Variants in PPP2R2D observed in about 807,000 individuals in gnomAD.
The protein encoded by PPP2R2D is serine/threonine-protein phosphatase 2A 55 kDa regulatory subunit B delta isoform.
In PPP2R2D, 9 loss-of-function variants were observed where a neutral mutation model predicts 31.1. That is an observed-to-expected ratio of 0.29 (90% CI 0.17 to 0.51). The LOEUF is 0.51. Ranked by LOEUF, PPP2R2D falls within the 20% of genes least tolerant of loss-of-function variation. PPP2R2D has a pLI of 0.98. For missense variants in PPP2R2D, 391 were observed against 465.6 expected (o/e 0.84, Z 1.48); for synonymous variants, 179 against 172.6 (o/e 1.04, Z -0.29).
intron 2 of PPP2R2D, among the ~76,000 whole-genome samples, chr10:131,920,290 C>T (rs1264083527): frequency 7.0e-6 from 1 of 142,640 alleles, no homozygotes; most frequent in Non-Finnish European, 1.5e-5. Flanking sequence ...GGACCTCACA[C>T]AGGTGGAATG....
rs1291449290 is a variant in PPP2R2D, at chr10:131,952,246, G to C, written c.1083-3438G>C. Among the ~76,000 whole-genome samples the C allele has an allele frequency of 3.6e-4, 39 of 108,814 alleles. 1 individual carries two copies. The highest frequency in any genetic ancestry group is 1.2e-3 in the African/African-American group (33 of 27,080). The allele number at this position is 108,814 out of a possible 152,430, so 71.4% of individuals were successfully genotyped here. ...GTTCACTGTCTTAGCAGTGACTTGG[G>C]GGGTCCCTGTCTTAGCAGTGACTTG... On this transcript the variant is annotated intron_variant, in intron 8 of 8. Transcript: ENST00000455566.
Position 131,945,271 on chromosome 10 carries a change from T to C in PPP2R2D, c.656-24T>C, listed in dbSNP as rs2036514489. The C allele has an allele frequency of 1.2e-6, 2 of 1,603,656 alleles. No individual in the cohort carries two copies. Among genetic ancestry groups the C allele is most frequent in the Non-Finnish European group, 1.7e-6 (2 of 1,173,760 alleles). The stretch of plus-strand genomic sequence containing the variant: ...ATTAACAACCAGCTGAGCTGAGCAC[T>C]GTGCCTTAACCATGCACTCCCAGAC... On this transcript the variant is annotated intron_variant, in intron 6 of 8. Transcript: ENST00000455566. This position sits in a 1 kb window ranked among gnomAD's most constrained non-coding sequence, Gnocchi z 4.8.
At chr10:131,952,349 G>T (rs1158744672) in intron 8 of PPP2R2D, among the ~76,000 whole-genome samples, 1 of 38,328 alleles carries the variant, frequency 2.6e-5, no homozygotes, top group African/African-American at 1.2e-4. Flanking sequence ...TGCATGTGTG[G>T]GGGGGGTTCA....
chr10:131,964,462 C>T (rs2120127679), downstream of PPP2R2D, among the ~76,000 whole-genome samples: 1 of 152,052 alleles, frequency 6.6e-6, no homozygotes, highest in South Asian at 2.1e-4. Context: ...AGACACACTC[C>T]CCCATGCACA....
At chr10:131,931,171 C>G (rs1229372495) in intron 2 of PPP2R2D, among the ~76,000 whole-genome samples, 1 of 152,136 alleles carries the variant, frequency 6.6e-6, no homozygotes, top group African/African-American at 2.4e-5. Flanking sequence ...TCCTGGGGCT[C>G]TTAGAGGCCT....
At chr10:131,948,343 G>A (rs1296768774) in intron 8 of PPP2R2D, among the ~76,000 whole-genome samples, 2 of 151,936 alleles carry the variant, frequency 1.3e-5, no homozygotes, top group Non-Finnish European at 2.9e-5. Flanking sequence ...TGAGAGTTAC[G>A]TTTTTTTTAT....
chr10:131,915,326 C>T (rs1426750191), intron 2 of PPP2R2D, among the ~76,000 whole-genome samples: 2 of 152,102 alleles, frequency 1.3e-5, no homozygotes, highest in African/African-American at 2.4e-5. Context: ...GCTTTGCTCC[C>T]GTCCTTTGCA....
At chr10:131,909,870 A>T (rs911612652) in intron 2 of PPP2R2D, among the ~76,000 whole-genome samples, 10 of 152,270 alleles carry the variant, frequency 6.6e-5, no homozygotes, top group Non-Finnish European at 2.9e-5. Context: ...ACATGTTAAC[A>T]TAACCTTTTT....
intron 8 of PPP2R2D, among the ~76,000 whole-genome samples, chr10:131,954,630 CTTT>C (rs35027240): frequency 3.5e-5 from 5 of 144,186 alleles, no homozygotes; most frequent in Non-Finnish European, 6.1e-5. Flanking sequence ...CTGAGTTCGT[CTTT>C]TTTTTTTTTT....
In PPP2R2D at chr10:131,936,002, G is replaced by A. The variant is rs190597861; in HGVS notation, c.198+1447G>A. Among the ~76,000 whole-genome samples, 386 of 152,058 alleles carry A rather than the reference G, an allele frequency of 2.5e-3. 3 individuals carry two copies. Among genetic ancestry groups the A allele is most frequent in the African/African-American group, 9.1e-3 (377 of 41,524 alleles). ...CGCTTGAACCCAGGAGGCAGAGGTT[G>A]CGGTGAGCCAAGATCGTGCCATTGC... On this transcript the variant is annotated intron_variant, in intron 3 of 8. Coordinates refer to ENST00000455566, the MANE Select transcript of PPP2R2D (RefSeq NM_018461.5).
chr10:131,926,760 G>A (rs1402932793), intron 2 of PPP2R2D, among the ~76,000 whole-genome samples: 1 of 152,254 alleles, frequency 6.6e-6, no homozygotes, highest in East Asian at 1.9e-4. Flanking sequence ...CATCGTTTGA[G>A]TCCCTGCAGT....
At chr10:131,962,695 C>G (rs1177027871), downstream of PPP2R2D, among the ~76,000 whole-genome samples, 1 of 152,164 alleles carries the variant, frequency 6.6e-6, no homozygotes, top group African/African-American at 2.4e-5. Flanking sequence ...CCAGTCAGAA[C>G]TGGCAGGGGC....
intron 2 of PPP2R2D, among the ~76,000 whole-genome samples, chr10:131,906,493 T>C (rs942120652): frequency 2.9e-4 from 44 of 152,228 alleles, no homozygotes; most frequent in African/African-American, 1.1e-3. Flanking sequence ...AACATAGATA[T>C]CTGGTTAATC....
At chr10:131,937,998 C>A (rs1011968039) in intron 3 of PPP2R2D, among the ~76,000 whole-genome samples, 3 of 150,974 alleles carry the variant, frequency 2.0e-5, no homozygotes, top group African/African-American at 7.3e-5. Context: ...AGACTCAGTG[C>A]GGCGGACAGG....
chr10:131,926,105 G>T (rs1406265552), intron 2 of PPP2R2D, among the ~76,000 whole-genome samples: 2 of 152,184 alleles, frequency 1.3e-5, no homozygotes, highest in Non-Finnish European at 2.9e-5. Flanking sequence ...CTGTTTGCCT[G>T]TGTATTGCAT....
At chr10:131,939,179 A>G (rs1164485659) in intron 3 of PPP2R2D, among the ~76,000 whole-genome samples, 1 of 24,684 alleles carries the variant, frequency 4.1e-5, no homozygotes, top group African/African-American at 1.7e-4. Context: ...CTGCTCCAGA[A>G]AACACGGCAG....
At chr10:131,916,985 G>A (rs539959077) in intron 2 of PPP2R2D, among the ~76,000 whole-genome samples, 1 of 146,182 alleles carries the variant, frequency 6.8e-6, no homozygotes, top group East Asian at 2.1e-4. Context: ...ACAGTGTAGG[G>A]ACCTCAGGTG....
At chr10:131,968,388 A>T in the PPP2R2D span, 1 of 718,724 alleles carries the variant, frequency 1.4e-6, no homozygotes, top group Non-Finnish European at 2.3e-6. Context: ...TATTTTACTA[A>T]ATTAGGAACG....
In PPP2R2D at chr10:131,932,772, A is replaced by G. The variant is rs11146169; in HGVS notation, c.101-1686A>G. Among the ~76,000 whole-genome samples, 117 of 151,402 alleles carry G rather than the reference A, an allele frequency of 7.7e-4. 1 individual carries two copies. The East Asian group carries it at 0.021, about 27-fold the overall frequency. ...TCCATCAGATTAATTTGATGTTGAT[A>G]ATTTAAACGTTGTTGGTTTTGTAAT... On this transcript the variant is annotated intron_variant, in intron 2 of 8. Transcript: ENST00000455566.
Sources: allele counts gnomAD v4.1 joint callset (sites outside exome capture counted in the v4.1 genomes callset), GRCh38; gene constraint gnomAD v4.1.1; non-coding constraint Gnocchi (gnomAD v3.1); transcripts MANE v1.5; gene names NCBI Gene and HGNC (gene_info 2026-07-23, HGNC 2026-07-21).